The following SYNPO variants were observed in gnomAD, a reference collection of about 807,000 sequenced individuals.
SYNPO encodes synaptopodin.
SYNPO carries 19 observed loss-of-function variants against 49.5 expected under a neutral mutation model. That is an observed-to-expected ratio of 0.38 (90% CI 0.27 to 0.56). The LOEUF (loss-of-function observed/expected upper bound fraction) is 0.56. Among genes scored for constraint, SYNPO ranks in the 20% least tolerant of loss-of-function variants. The probability of loss-of-function intolerance (pLI) is 0.68; values close to 1 mark genes in which losing one functional copy is unlikely to be tolerated. For missense variants in SYNPO, 1,131 were observed against 1,248.3 expected, an observed-to-expected ratio of 0.91 and a Z score of 1.42; for synonymous variants, 536 against 548.0, an observed-to-expected ratio of 0.98 and a Z score of 0.31.
At chr5:150,586,738 A>G in the SYNPO span, among the ~76,000 whole-genome samples, 1 of 152,224 alleles carries the variant, frequency 6.6e-6, no homozygotes, top group Non-Finnish European at 1.5e-5. Flanking sequence ...TCACCAGACT[A>G]TCCTCAGGCC....
intron 2 of SYNPO, among the ~76,000 whole-genome samples, chr5:150,626,198 C>A (rs996188514): frequency 6.6e-6 from 1 of 152,180 alleles, no homozygotes; most frequent in African/African-American, 2.4e-5. Flanking sequence ...CAGCCACAAA[C>A]TGGAACTGAT....
At chr5:150,586,829 T>C in the SYNPO span, among the ~76,000 whole-genome samples, 1 of 152,206 alleles carries the variant, frequency 6.6e-6, no homozygotes, top group Non-Finnish European at 1.5e-5. Context: ...GGTAGATGTA[T>C]ACATGGATGC....
In SYNPO at chr5:150,648,134, C is replaced by T; in HGVS notation, c.-142C>T. 6.4e-7 allele frequency: 1 copy of T among 1,552,398 alleles called. No homozygotes were observed. Among genetic ancestry groups the T allele is most frequent in the Non-Finnish European group, 8.7e-7 (1 of 1,147,400 alleles). ...ACGGCCAGAGGGGACAGAAGCCCAG[C>T]CAGGAGTCCCTCAGAGTGCTCCCTT... On this transcript the variant is annotated 5_prime_UTR_variant, in exon 2 of 3. Coordinates refer to ENST00000307662, the MANE Select transcript of SYNPO (RefSeq NM_007286.6). The surrounding 1 kb of genome is among the most constrained non-coding windows in gnomAD (Gnocchi z 5.0).
In SYNPO at chr5:150,658,450, G is replaced by C. The variant is rs1758649069; in HGVS notation, c.*1363G>C. The stretch of plus-strand genomic sequence containing the variant: ...GTGCCTGGTGCCCAGTGACCTGGGG[G>C]AGCCTGGCTGCAGGCCCTCACTGGT... On this transcript the variant is annotated 3_prime_UTR_variant, in exon 3 of 3. Coordinates refer to ENST00000307662, the MANE Select transcript of SYNPO (RefSeq NM_007286.6). The C allele has an allele frequency of 6.6e-6, 1 of 152,416 alleles. No individual in the cohort carries two copies. Among genetic ancestry groups the C allele is most frequent in the Admixed American group, 6.5e-5 (1 of 15,290 alleles). 9.4% of individuals were successfully genotyped at this position (152,416 alleles called of 1,614,324 possible). A position where few individuals can be genotyped will look rare whatever the true frequency, so the allele number is the denominator to read the frequency against.
chr5:150,637,149 A>G (rs1349560212), upstream of SYNPO, among the ~76,000 whole-genome samples: 1 of 152,212 alleles, frequency 6.6e-6, no homozygotes, highest in Admixed American at 6.5e-5. Context: ...TTGCTGAGCC[A>G]TAGATGGGGG....
At chr5:150,618,257 G>A (rs1757035599) in exon 2 of SYNPO, 1 of 1,328,532 alleles carries the variant, frequency 7.5e-7, no homozygotes, top group African/African-American at 1.5e-5. Context: ...CAGAGAGTCA[G>A]AGGAGGCTGT....
chr5:150,649,931 CG>C lies in SYNPO; in HGVS notation c.1660del (p.Val554SerfsTer84), dbSNP rs1561657823. ...SLYHGYLPEN[G>X]VLRPEPTKQP... Reference sequence around the variant, plus strand: ...TCTACCATGGCTACCTGCCTGAGAACGGGGTCCTGCGCCCAGAGCCCACCAA... The same window carrying C: ...TCTACCATGGCTACCTGCCTGAGAACGGGTCCTGCGCCCAGAGCCCACCAA... On this transcript the variant is annotated frameshift_variant, in exon 2 of 3. Coordinates refer to ENST00000307662, the MANE Select transcript of SYNPO (RefSeq NM_007286.6). LOFTEE classifies it high-confidence loss of function. The C allele has an allele frequency of 6.2e-7, 1 of 1,612,316 alleles. No individual in the cohort carries two copies. The highest frequency in any genetic ancestry group is 8.5e-7 in the Non-Finnish European group (1 of 1,179,990).
At chr5:150,622,748 G>A (rs1174492742) in intron 2 of SYNPO, among the ~76,000 whole-genome samples, 1 of 152,216 alleles carries the variant, frequency 6.6e-6, no homozygotes, top group African/African-American at 2.4e-5. Context: ...GGCAGATGGA[G>A]CAGGAGCCTG....
chr5:150,656,727 C>T lies in SYNPO; in HGVS notation c.2352C>T (p.Ser784=), dbSNP rs10055054. 0.027 allele frequency: 36,303 copies of T among 1,349,578 alleles called. 6,042 individuals carry two copies. In the African/African-American group the frequency reaches 0.42, roughly 16 times the overall value. 83.6% of individuals were successfully genotyped at this position (1,349,578 alleles called of 1,614,324 possible). ...GCGCCGAGAACCCGCGGCCCTTCTC[C>T]CCGCCGAGGGCGCCACCGCCCCCGC... ...SAGAENPRPF[S]PPRAPPPPPP... Residue 784 remains serine (S), a synonymous_variant, in exon 3 of 3, where the codon TCC becomes TCT. Transcript: ENST00000307662.
chr5:150,618,315 C>A, exon 2 of SYNPO: 1 of 1,510,268 alleles, frequency 6.6e-7, no homozygotes, highest in East Asian at 2.5e-5. Context: ...AGCCCAGGCC[C>A]TGGCCCAGGC....
exon 2 of SYNPO, chr5:150,618,665 CACG>C: frequency 1.3e-6 from 2 of 1,551,328 alleles, no homozygotes; most frequent in Non-Finnish European, 1.7e-6. Context: ...GGCGTCCCAG[CACG>C]ACGACAGGGC....
intron 2 of SYNPO, chr5:150,650,966 C>T (rs1040653554): frequency 6.6e-5 from 83 of 1,252,984 alleles, no homozygotes; most frequent in South Asian, 4.8e-4. Context: ...GCTGCGGACT[C>T]GGCCCACCAC....
rs747560937 is a variant in SYNPO, at chr5:150,649,932, G to A, written c.1657G>A (p.Gly553Arg). The stretch of plus-strand genomic sequence containing the variant: ...CTACCATGGCTACCTGCCTGAGAAC[G>A]GGGTCCTGCGCCCAGAGCCCACCAA... The part of the protein sequence containing the change: ...SLYHGYLPEN[G>R]VLRPEPTKQP... The change falls in exon 2 of 3, where the codon GGG (glycine) becomes AGG (arginine). Residue 553 changes from glycine (G) to arginine (R), a missense_variant. By Grantham distance (125) the Gly-to-Arg change is moderately radical. Around this residue, in one of 4 missense-constraint regions of SYNPO, gnomAD observed 602 missense variants for 720.7 expected, o/e 0.84. Transcript: ENST00000307662. 1.3e-5 allele frequency: 21 copies of A among 1,612,194 alleles called. No homozygotes were observed. The highest frequency in any genetic ancestry group is 1.7e-5 in the Admixed American group (1 of 60,002).
At chr5:150,627,960 C>T (rs913090061) in intron 2 of SYNPO, among the ~76,000 whole-genome samples, 16 of 151,498 alleles carry the variant, frequency 1.1e-4, no homozygotes, top group Non-Finnish European at 1.5e-4. Context: ...GTCAGAGGGG[C>T]GGCTGGGCCT....
At chr5:150,630,063 G>C (rs572813111) in intron 2 of SYNPO, among the ~76,000 whole-genome samples, 1 of 152,272 alleles carries the variant, frequency 6.6e-6, no homozygotes, top group East Asian at 1.9e-4. Context: ...GCCTCACTGG[G>C]TCTAGGGTCC....
intron 2 of SYNPO, among the ~76,000 whole-genome samples, chr5:150,631,362 A>C (rs970151859): frequency 6.6e-6 from 1 of 152,176 alleles, no homozygotes; most frequent in African/African-American, 2.4e-5. Flanking sequence ...GACCTGAAGG[A>C]TGAGAAGTGT....
intron 1 of SYNPO, among the ~76,000 whole-genome samples, chr5:150,641,584 C>T (rs900171444): frequency 1.3e-5 from 2 of 152,228 alleles, no homozygotes; most frequent in African/African-American, 4.8e-5. Flanking sequence ...CACACGGGCC[C>T]CAGTGGTGGG....
intron 2 of SYNPO, chr5:150,651,670 AGCAGTGCAGTGG>A: frequency 2.0e-6 from 2 of 1,001,118 alleles, no homozygotes; most frequent in Non-Finnish European, 2.4e-6. Context: ...GCAGGTGCAT[AGCAGTGCAGTGG>A]GAAGGGACAG....
At chr5:150,631,183 C>T (rs890237677) in intron 2 of SYNPO, among the ~76,000 whole-genome samples, 4 of 152,168 alleles carry the variant, frequency 2.6e-5, no homozygotes, top group South Asian at 2.1e-4. Context: ...CAGCTATGGC[C>T]GAGGCACAGG....
Sources: gnomAD v4.1 joint callset for allele counts (sites outside exome capture counted in the v4.1 genomes callset) on GRCh38, gnomAD v4.1.1 for gene constraint, gnomAD v4.1.1 regional missense constraint, Gnocchi (gnomAD v3.1) non-coding constraint, MANE v1.5 for transcripts, NCBI Gene and HGNC (gene_info 2026-07-23, HGNC 2026-07-21) for gene names.